The following ZDHHC15 variants were observed in gnomAD, a reference collection of about 807,000 sequenced individuals.
ZDHHC15 encodes the protein zDHHC palmitoyltransferase 15.
Under a neutral mutation model 31.7 loss-of-function variants are expected in ZDHHC15, and 19 were observed. That is an observed-to-expected ratio of 0.60 (90% confidence interval 0.42 to 0.88). The LOEUF is 0.88. Ranked by LOEUF, ZDHHC15 falls within the 40% of genes least tolerant of loss-of-function variation. The pLI, the probability that ZDHHC15 is intolerant of heterozygous loss-of-function variation, is 0.00. For missense variants in ZDHHC15, 209 were observed against 251.2 expected (o/e 0.83, Z 1.14); for synonymous variants, 103 against 90.0 (o/e 1.14, Z -0.82).
chrX:75,391,764 A>G (rs2083244692), intron 10 of ZDHHC15, among the ~76,000 whole-genome samples: 1 of 112,158 alleles, frequency 8.9e-6, no homozygotes, highest in Non-Finnish European at 1.9e-5. Context: ...AAAAATACAA[A>G]TTTGAAGGTA....
chrX:75,431,655 G>T, intron 4 of ZDHHC15, 135 bp from the exon 5 acceptor site: 1 of 463,557 alleles, frequency 2.2e-6, no homozygotes, highest in Non-Finnish European at 3.4e-6. Flanking sequence ...CCAAGCAAAA[G>T]GCAGACTACA....
chrX:75,521,976 G>T (rs1386009346), intron 1 of ZDHHC15, among the ~76,000 whole-genome samples: 4 of 111,084 alleles, frequency 3.6e-5, no homozygotes, highest in Admixed American at 9.6e-5. Flanking sequence ...GGGTAAAAGA[G>T]GTGACTCTAG....
chrX:75,519,623 C>A (rs921566804), intron 1 of ZDHHC15, among the ~76,000 whole-genome samples: 1 of 111,946 alleles, frequency 8.9e-6, no homozygotes, highest in African/African-American at 3.2e-5. Flanking sequence ...CAGGTTTTAT[C>A]CCTGGAAAGA....
At chrX:75,385,716 T>C (rs2083172224) in intron 10 of ZDHHC15, among the ~76,000 whole-genome samples, 1 of 111,300 alleles carries the variant, frequency 9.0e-6, no homozygotes, top group African/African-American at 3.3e-5. Context: ...CCTTTTACCT[T>C]TGGCCTCTGC....
At chrX:75,502,269 C>T in intron 2 of ZDHHC15, 1 of 111,426 alleles carries the variant, frequency 9.0e-6, no homozygotes, top group South Asian at 3.8e-4. Flanking sequence ...TTTCCTTTCC[C>T]TATAAGGACA....
intron 10 of ZDHHC15, 41 bp from the exon 11 acceptor site, chrX:75,379,239 C>T (rs2083090288): frequency 8.4e-7 from 1 of 1,192,510 alleles, no homozygotes; most frequent in East Asian, 3.0e-5. Context: ...TGTCCCCGTG[C>T]CTTATATGGG....
intron 9 of ZDHHC15, among the ~76,000 whole-genome samples, chrX:75,418,622 A>AT (rs2083577729): frequency 8.9e-6 from 1 of 112,099 alleles, no homozygotes; most frequent in African/African-American, 3.2e-5. Context: ...ACAGATATAT[A>AT]GGCCAATGGA....
chrX:75,427,665 T>C (rs1602607209), intron 7 of ZDHHC15, among the ~76,000 whole-genome samples: 1 of 111,127 alleles, frequency 9.0e-6, no homozygotes, highest in Non-Finnish European at 1.9e-5. Context: ...TTTTATAATA[T>C]ATTTTAAAAT....
At chrX:75,461,384 TCTC>T (rs1194307814) in intron 3 of ZDHHC15, among the ~76,000 whole-genome samples, 3 of 111,387 alleles carry the variant, frequency 2.7e-5, no homozygotes, top group African/African-American at 9.8e-5. Context: ...CAGGAGAACT[TCTC>T]CAGCCTAGCA....
At chrX:75,386,277 C>T (rs769866290) in intron 10 of ZDHHC15, among the ~76,000 whole-genome samples, 16 of 111,660 alleles carry the variant, frequency 1.4e-4, no homozygotes, top group African/African-American at 4.9e-4. Flanking sequence ...GATTAATTCC[C>T]CCCAGTCCTG....
At chrX:75,433,639 A>G (rs753144768) in intron 4 of ZDHHC15, among the ~76,000 whole-genome samples, 1 of 106,674 alleles carries the variant, frequency 9.4e-6, no homozygotes, top group East Asian at 2.9e-4. Context: ...AGTAGTGTAT[A>G]TTTTTTATGG....
chrX:75,426,049 T>C (rs1479870526), intron 7 of ZDHHC15, among the ~76,000 whole-genome samples: 1 of 111,381 alleles, frequency 9.0e-6, no homozygotes, highest in Non-Finnish European at 1.9e-5. Flanking sequence ...TTTGAAACTC[T>C]CCTTTTTGAA....
chrX:75,483,081 G>A (rs867720277), intron 2 of ZDHHC15, among the ~76,000 whole-genome samples: 5 of 97,423 alleles, frequency 5.1e-5, no homozygotes, highest in Admixed American at 3.4e-4. Context: ...ATGTGTATGT[G>A]TATATATATA....
chrX:75,381,493 A>C (rs2083114095), intron 10 of ZDHHC15, among the ~76,000 whole-genome samples: 1 of 111,766 alleles, frequency 8.9e-6, no homozygotes, highest in Non-Finnish European at 1.9e-5. Flanking sequence ...ACACATGCAC[A>C]GTTTTTTGCT....
intron 10 of ZDHHC15, among the ~76,000 whole-genome samples, chrX:75,410,579 C>T (rs1301661667): frequency 1.8e-5 from 2 of 111,131 alleles, no homozygotes; most frequent in Non-Finnish European, 3.8e-5. Flanking sequence ...AAAATAAGAC[C>T]GTGAATAATG....
At chrX:75,479,356 C>T (rs896936330) in intron 2 of ZDHHC15, among the ~76,000 whole-genome samples, 6 of 112,049 alleles carry the variant, frequency 5.4e-5, no homozygotes, top group African/African-American at 1.9e-4. Context: ...CATGCTTTCA[C>T]ATATATTATT....
chrX:75,411,993 C>T (rs935812358), intron 10 of ZDHHC15, among the ~76,000 whole-genome samples: 1 of 111,869 alleles, frequency 8.9e-6, no homozygotes, highest in Non-Finnish European at 1.9e-5. Flanking sequence ...CAAAAGAAGA[C>T]ATTCAAATGG....
chrX:75,514,680 T>A (rs748817207), intron 1 of ZDHHC15, among the ~76,000 whole-genome samples: 3 of 111,029 alleles, frequency 2.7e-5, no homozygotes, highest in Non-Finnish European at 5.7e-5. Context: ...ATCGGGACAC[T>A]CCCGCCCTAA....
At chrX:75,435,878 C>T (rs1220265330) in intron 4 of ZDHHC15, among the ~76,000 whole-genome samples, 2 of 111,651 alleles carry the variant, frequency 1.8e-5, no homozygotes, top group African/African-American at 6.5e-5. Context: ...GGAAGGATTC[C>T]CTCTTTCTCT....
Sources: allele counts gnomAD v4.1 joint callset (sites outside exome capture counted in the v4.1 genomes callset), GRCh38; gene constraint gnomAD v4.1.1; transcripts MANE v1.5; gene names NCBI Gene and HGNC (gene_info 2026-07-23, HGNC 2026-07-21).